TCF20: variants seen among roughly 807,000 people sequenced by gnomAD.
The protein encoded by TCF20 is SPRE-binding protein.
A neutral mutation model predicts 148.6 loss-of-function variants in TCF20; 3 were observed. That is an observed-to-expected ratio of 0.02 (90% CI 0.01 to 0.05). The LOEUF (loss-of-function observed/expected upper bound fraction) is 0.05. TCF20 is among the 10% of genes least tolerant of loss of function. The pLI, the probability that TCF20 is intolerant of heterozygous loss-of-function variation, is 1.00. For missense variants in TCF20, 2,350 were observed against 2,429.3 expected (o/e 0.97, Z 0.69); for synonymous variants, 1,049 against 909.5 (o/e 1.15, Z -2.76).
intron 2 of TCF20, among the ~76,000 whole-genome samples, chr22:42,185,974 G>A (rs1234098189): frequency 2.0e-5 from 3 of 152,314 alleles, no homozygotes; most frequent in Non-Finnish European, 2.9e-5. Context: ...TTTACTCAGT[G>A]CTACTCAAGT....
chr22:42,279,276 G>A lies in TCF20; in HGVS notation c.-37+4551C>T, dbSNP rs1193418290. 5.3e-5 allele frequency among the ~76,000 whole-genome samples: 8 copies of A among 152,066 alleles called. No individual in the cohort carries two copies. The highest frequency in any genetic ancestry group is 1.0e-4 in the Non-Finnish European group (7 of 68,008). On this transcript the variant is annotated intron_variant, in intron 1 of 5. Transcript: ENST00000359486. This position sits in a 1 kb window ranked among gnomAD's most constrained non-coding sequence, Gnocchi z 4.3. ...TCCCAGCACTTTGGGAGGCTGAGGCGGGCGGATCACCTGAGGTCAGGAGTT... is the reference window on the plus strand; with the variant it reads ...TCCCAGCACTTTGGGAGGCTGAGGCAGGCGGATCACCTGAGGTCAGGAGTT...
Position 42,214,084 on chromosome 22 carries a change from T to G in TCF20, c.1222A>C (p.Arg408=). Residue 408 remains arginine, a synonymous_variant, in exon 2 of 6, where the codon AGA becomes CGA. Coordinates refer to ENST00000677622, the MANE Select transcript of TCF20 (RefSeq NM_001378418.1). ...CGQGSVPMGS[R]NRILQLMPQL... The stretch of plus-strand genomic sequence containing the variant: ...GGCATTAACTGTAAAATTCTGTTTC[T>G]GGAACCCATAGGCACACTGCCTTGC... The G allele has an allele frequency of 6.2e-7, 1 of 1,614,248 alleles. No homozygotes were observed. Among genetic ancestry groups the G allele is most frequent in the Non-Finnish European group, 8.5e-7 (1 of 1,180,046 alleles).
intron 2 of TCF20, among the ~76,000 whole-genome samples, 200 bp from the exon 3 acceptor site, chr22:42,179,902 A>C (rs1936688816): frequency 6.6e-6 from 1 of 152,162 alleles, no homozygotes; most frequent in Admixed American, 6.5e-5. Flanking sequence ...AATGTTTTAG[A>C]CCAAGCCTCA....
At chr22:42,193,536 C>G (rs1878233737) in intron 2 of TCF20, among the ~76,000 whole-genome samples, 1 of 152,152 alleles carries the variant, frequency 6.6e-6, no homozygotes. Context: ...CTTTGTTGCC[C>G]AAGCTGGTCT....
At chr22:42,199,877 CCTTT>C (rs1259819771) in intron 2 of TCF20, among the ~76,000 whole-genome samples, 3 of 148,528 alleles carry the variant, frequency 2.0e-5, no homozygotes, top group Non-Finnish European at 3.0e-5. Context: ...AGCAAGTTAT[CCTTT>C]CTGTTTCCCC....
At chr22:42,306,398 G>A (rs896135195) in intron 1 of TCF20, among the ~76,000 whole-genome samples, 1 of 152,210 alleles carries the variant, frequency 6.6e-6, no homozygotes, top group Non-Finnish European at 1.5e-5. Context: ...CAATGTGGGT[G>A]GGGGGTGCTG....
intron 1 of TCF20, among the ~76,000 whole-genome samples, chr22:42,341,646 C>T (rs547504614): frequency 8.1e-4 from 123 of 152,244 alleles, no homozygotes; most frequent in African/African-American, 2.4e-3. Flanking sequence ...GGGACCCTTC[C>T]GCTTCTGCCA....
intron 1 of TCF20, among the ~76,000 whole-genome samples, chr22:42,216,598 A>G (rs1280475089): frequency 6.6e-6 from 1 of 152,196 alleles, no homozygotes; most frequent in Admixed American, 6.5e-5. Flanking sequence ...CTTCCAGATT[A>G]TTTTGGGAGG....
intron 5 of TCF20, 42 bp from the exon 6 acceptor site, chr22:42,161,400 C>G: frequency 1.2e-6 from 2 of 1,613,724 alleles, no homozygotes; most frequent in Non-Finnish European, 8.5e-7. Context: ...GGAGCCTCCA[C>G]AGGGTCCACC....
chr22:42,260,229 G>A (rs549928788), intron 1 of TCF20, among the ~76,000 whole-genome samples: 1 of 152,264 alleles, frequency 6.6e-6, no homozygotes, highest in Admixed American at 6.5e-5. Flanking sequence ...AGAAACAAGA[G>A]GGAAGGTGAA....
chr22:42,207,771 C>T (rs1019317840), intron 2 of TCF20, among the ~76,000 whole-genome samples: 3 of 152,120 alleles, frequency 2.0e-5, no homozygotes, highest in African/African-American at 4.8e-5. Flanking sequence ...GCTGAGATTG[C>T]GCCATTGCAC....
At chr22:42,287,713 A>C (rs1927056724), upstream of TCF20, among the ~76,000 whole-genome samples, 1 of 152,052 alleles carries the variant, frequency 6.6e-6, no homozygotes, top group Admixed American at 6.6e-5. Flanking sequence ...GCTGCTCAAG[A>C]CCACAGACCA....
intron 3 of TCF20, among the ~76,000 whole-genome samples, chr22:42,177,918 G>GT (rs1936542914): frequency 6.6e-6 from 1 of 152,106 alleles, no homozygotes; most frequent in Non-Finnish European, 1.5e-5. Flanking sequence ...ACTCTTGGTG[G>GT]TTCCTGGATG....
At chr22:42,240,895 C>T (rs1019940332) in intron 1 of TCF20, among the ~76,000 whole-genome samples, 1 of 152,036 alleles carries the variant, frequency 6.6e-6, no homozygotes, top group Middle Eastern at 3.2e-3. Context: ...GCTCTGTCCC[C>T]CCCAGGCTGG....
intron 1 of TCF20, among the ~76,000 whole-genome samples, chr22:42,243,288 G>T (rs1269696421): frequency 3.4e-5 from 1 of 29,306 alleles, no homozygotes; most frequent in African/African-American, 1.1e-4. Context: ...GCAAGACACT[G>T]TCTCAAAAAA....
At chr22:42,314,743 TGAAG>T (rs1404294463) in intron 1 of TCF20, among the ~76,000 whole-genome samples, 2 of 152,104 alleles carry the variant, frequency 1.3e-5, no homozygotes, top group South Asian at 2.1e-4. Context: ...GTCTGCTGAA[TGAAG>T]GAAGGAAGAA....
intron 2 of TCF20, among the ~76,000 whole-genome samples, chr22:42,194,499 A>T (rs1408710702): frequency 6.6e-6 from 1 of 151,926 alleles, no homozygotes; most frequent in Non-Finnish European, 1.5e-5. Context: ...CTTAACGCTT[A>T]TCCCTGTCCT....
intron 1 of TCF20, among the ~76,000 whole-genome samples, chr22:42,268,359 A>C (rs1052874431): frequency 6.6e-6 from 1 of 152,194 alleles, no homozygotes; most frequent in Non-Finnish European, 1.5e-5. Flanking sequence ...AAAATCAGTG[A>C]AACTAATTGC....
At chr22:42,192,111 C>T (rs1023809560) in intron 2 of TCF20, among the ~76,000 whole-genome samples, 1 of 152,194 alleles carries the variant, frequency 6.6e-6, no homozygotes, top group Non-Finnish European at 1.5e-5. Flanking sequence ...GGAAGTGACT[C>T]TTGGTGTAAG....
Sources: gnomAD v4.1 joint callset for allele counts (sites outside exome capture counted in the v4.1 genomes callset) on GRCh38, gnomAD v4.1.1 for gene constraint, Gnocchi (gnomAD v3.1) non-coding constraint, MANE v1.5 for transcripts, NCBI Gene and HGNC (gene_info 2026-07-23, HGNC 2026-07-21) for gene names.